Variants in DNAH5 observed in about 807,000 individuals in gnomAD.
The protein encoded by DNAH5 is dynein axonemal heavy chain 5.
DNAH5 carries 372 observed loss-of-function variants against 518.2 expected under a neutral mutation model. The observed-to-expected ratio is 0.72, with a 90% CI of 0.66 to 0.78. DNAH5 has a LOEUF of 0.78. Ranked by LOEUF, DNAH5 falls within the 30% of genes least tolerant of loss-of-function variation. DNAH5 has a pLI of 0.00. For missense variants in DNAH5, 5,523 were observed against 5,687.0 expected, an observed-to-expected ratio of 0.97 and a Z score of 0.93; for synonymous variants, 2,039 against 2,025.9, an observed-to-expected ratio of 1.01 and a Z score of -0.17.
Position 13,770,803 on chromosome 5 carries a change from C to T in DNAH5, c.9551G>A (p.Gly3184Asp), listed in dbSNP as rs772990787. 3 of 1,614,012 alleles carry T rather than the reference C, an allele frequency of 1.9e-6. No individual in the cohort carries two copies. The highest frequency in any genetic ancestry group is 2.5e-6 in the Non-Finnish European group (3 of 1,179,964). ...CTTTTCTCCATATATGAACTTATAG[C>T]CCTGAATAAAGGAGAGGTATGATTT... ...TPKSYLSFIQ[G>D]YKFIYGEKHV... Residue 3184 changes from glycine to aspartate, a missense_variant, in exon 56 of 79, where the codon GGC becomes GAC. This residue lies in a region of DNAH5 where 5,121 missense variants were observed against 5,223.3 expected (regional missense o/e 0.98). Coordinates refer to ENST00000265104, the MANE Select transcript of DNAH5 (RefSeq NM_001369.3).
chr5:13,918,395 GA>G (rs1475420618), intron 7 of DNAH5, among the ~76,000 whole-genome samples: 1 of 152,192 alleles, frequency 6.6e-6, no homozygotes, highest in Non-Finnish European at 1.5e-5. Context: ...GAGATACCCA[GA>G]GTCAGAGGCA....
At chr5:13,736,548 C>T (rs370612927) in intron 66 of DNAH5, among the ~76,000 whole-genome samples, 10 of 148,972 alleles carry the variant, frequency 6.7e-5, no homozygotes, top group Admixed American at 1.3e-4. Flanking sequence ...GCGCCCACCA[C>T]CATGCCTGGC....
chr5:14,001,346 T>C (rs1208911571), intron 1 of DNAH5, among the ~76,000 whole-genome samples: 2 of 152,066 alleles, frequency 1.3e-5, no homozygotes, highest in African/African-American at 4.8e-5. Context: ...AGATACTTAG[T>C]GATTTTTTGT....
Position 13,841,917 on chromosome 5 carries a change from CCAAAA to C in DNAH5, c.5272-18_5272-14del. 2.3e-6 allele frequency: 1 copy of C among 436,914 alleles called. No homozygotes were observed. The highest frequency in any genetic ancestry group is 7.7e-5 in the African/African-American group (1 of 13,016). The allele number at this position is 436,914 out of a possible 1,614,324, so 27.1% of individuals were successfully genotyped here. ...TTCGATCATAGATCTATGTTAGAAA[CCAAAA>C]AAAAAAAAAAAAAAAGCTATAGTCA... On this transcript the variant is annotated splice_polypyrimidine_tract_variant and intron_variant, in intron 32 of 78. Transcript: ENST00000265104.
chr5:13,861,126 C>T (rs1449385044), intron 29 of DNAH5, among the ~76,000 whole-genome samples: 3 of 152,086 alleles, frequency 2.0e-5, no homozygotes, highest in Non-Finnish European at 4.4e-5. Flanking sequence ...AGATTAGATG[C>T]CATTGAAAAG....
rs1477151012 is a variant in DNAH5, at chr5:13,771,588, G to C, written c.9374-608C>G. 2.6e-5 allele frequency among the ~76,000 whole-genome samples: 4 copies of C among 152,258 alleles called. No individual in the cohort carries two copies. In the South Asian group the frequency reaches 8.3e-4, roughly 32 times the overall value. ...ACCTTCCCCACATTGCCAAATGGGG[G>C]ACCAATTCTAAGACAGCCTTCCCTG... On this transcript the variant is annotated intron_variant, in intron 55 of 78. Transcript: ENST00000265104.
intron 1 of DNAH5, among the ~76,000 whole-genome samples, chr5:13,972,859 G>A (rs1390607653): frequency 6.6e-6 from 1 of 152,148 alleles, no homozygotes; most frequent in Non-Finnish European, 1.5e-5. Context: ...CCTCCTATCT[G>A]CTATTTCTTT....
chr5:13,745,350 T>C (rs1003633529), intron 65 of DNAH5, among the ~76,000 whole-genome samples: 3 of 152,052 alleles, frequency 2.0e-5, no homozygotes, highest in Non-Finnish European at 2.9e-5. Flanking sequence ...CAATTGGATA[T>C]AGGCTTGATG....
chr5:13,858,511 T>A (rs1314959273), intron 30 of DNAH5, among the ~76,000 whole-genome samples: 1 of 152,122 alleles, frequency 6.6e-6, no homozygotes, highest in Non-Finnish European at 1.5e-5. Context: ...GGCACCTGTA[T>A]TCCTATGTAA....
chr5:13,859,906 T>G (rs1768159035), intron 29 of DNAH5, among the ~76,000 whole-genome samples: 1 of 152,160 alleles, frequency 6.6e-6, no homozygotes, highest in Admixed American at 6.5e-5. Context: ...TTACCCTCAG[T>G]GCTGCTATGG....
In DNAH5 at chr5:13,754,315, T is replaced by A. The variant is rs1554035381; in HGVS notation, c.10443A>T (p.Arg3481=). Reference sequence around the variant, plus strand: ...AAGCTGTCTGCATCTTGTGTCTGCATCGCTCTGCATCTTCAAGCAAGGTCT... The same window carrying A: ...AAGCTGTCTGCATCTTGTGTCTGCAACGCTCTGCATCTTCAAGCAAGGTCT... The part of the protein sequence containing the change: ...EKQTLLEDAE[R]CRHKMQTAST... Residue 3481 remains arginine, a synonymous_variant, in exon 62 of 79, where the codon CGA becomes CGT. Transcript: ENST00000265104. 9 of 1,614,108 alleles carry A rather than the reference T, an allele frequency of 5.6e-6. No homozygotes were observed. In the African/African-American group the frequency reaches 6.7e-5, roughly 12 times the overall value.
At chr5:13,725,737 C>A (rs1745636460) in intron 70 of DNAH5, among the ~76,000 whole-genome samples, 1 of 152,208 alleles carries the variant, frequency 6.6e-6, no homozygotes, top group South Asian at 2.1e-4. Flanking sequence ...TCACTGCAAG[C>A]TCCACTTTCC....
At chr5:13,846,689 A>G (rs944572557) in intron 31 of DNAH5, among the ~76,000 whole-genome samples, 1 of 152,174 alleles carries the variant, frequency 6.6e-6, no homozygotes, top group Non-Finnish European at 1.5e-5. Flanking sequence ...TACAGGGATG[A>G]TCATGGATAA....
At chr5:13,714,256 C>T in intron 75 of DNAH5, 149 bp downstream of exon 75, 1 of 821,294 alleles carries the variant, frequency 1.2e-6, no homozygotes, top group East Asian at 2.6e-5. Flanking sequence ...GCAAAAACTT[C>T]TTTTTCTGGT....
chr5:13,834,358 G>A (rs1033866005), intron 35 of DNAH5, among the ~76,000 whole-genome samples: 25 of 152,210 alleles, frequency 1.6e-4, no homozygotes, highest in African/African-American at 6.0e-4. Flanking sequence ...ACAGTTTTCA[G>A]AGGGATAGAA....
chr5:13,824,097 T>C (rs1762582643), intron 39 of DNAH5, 102 bp downstream of exon 39: 1 of 1,245,326 alleles, frequency 8.0e-7, no homozygotes, highest in Non-Finnish European at 1.2e-6. Context: ...CAATTAGGCA[T>C]TTTAAATGAG....
chr5:13,952,751 A>T (rs1298790712), intron 1 of DNAH5, among the ~76,000 whole-genome samples: 1 of 152,218 alleles, frequency 6.6e-6, no homozygotes, highest in East Asian at 1.9e-4. Flanking sequence ...AAGGAGGACA[A>T]AAATAACCCG....
At chr5:13,701,106 A>G (rs1742047323) in intron 77 of DNAH5, among the ~76,000 whole-genome samples, 178 bp downstream of exon 77, 1 of 152,242 alleles carries the variant, frequency 6.6e-6, no homozygotes, top group Non-Finnish European at 1.5e-5. Flanking sequence ...AATATTTTGA[A>G]AGTCGAGCTA....
At chr5:13,910,762 C>T (rs1775885787) in intron 12 of DNAH5, among the ~76,000 whole-genome samples, 1 of 152,200 alleles carries the variant, frequency 6.6e-6, no homozygotes, top group Non-Finnish European at 1.5e-5. Flanking sequence ...AGGCACCTCA[C>T]CAGAACTGGC....
Sources: gnomAD v4.1 joint callset for allele counts (sites outside exome capture counted in the v4.1 genomes callset) on GRCh38, gnomAD v4.1.1 for gene constraint, gnomAD v4.1.1 regional missense constraint, MANE v1.5 for transcripts, NCBI Gene and HGNC (gene_info 2026-07-23, HGNC 2026-07-21) for gene names.